OGFOD1: variants seen among roughly 807,000 people sequenced by gnomAD.
OGFOD1 encodes the protein prolyl 3-hydroxylase OGFOD1.
OGFOD1 carries 54 observed loss-of-function variants against 67.7 expected under a neutral mutation model. The observed-to-expected ratio is 0.80, with a 90% CI of 0.64 to 1.00. OGFOD1 has a LOEUF of 1.00. Ranked by LOEUF, OGFOD1 falls within the 50% of genes least tolerant of loss-of-function variation. The pLI, the probability that OGFOD1 is intolerant of heterozygous loss-of-function variation, is 0.00. For synonymous variants in OGFOD1, 221 were observed against 227.0 expected (o/e 0.97, Z 0.24); for missense variants, 606 against 646.7 (o/e 0.94, Z 0.68).
At chr16:56,467,415 CTTTTT>C in intron 7 of OGFOD1, 122 bp downstream of exon 7, 1 of 828,276 alleles carries the variant, frequency 1.2e-6, no homozygotes, top group East Asian at 3.3e-5. Flanking sequence ...TTCCACTTTT[CTTTTT>C]TTTTTCTTCC....
chr16:56,455,485 C>G (rs548104613), intron 2 of OGFOD1, among the ~76,000 whole-genome samples: 3 of 151,640 alleles, frequency 2.0e-5, no homozygotes, highest in African/African-American at 7.2e-5. Context: ...TGGTGAAACT[C>G]TACTGTGAAT....
chr16:56,466,799 G>A (rs773923954), intron 5 of OGFOD1, 77 bp from the exon 6 acceptor site: 2 of 1,092,986 alleles, frequency 1.8e-6, no homozygotes, highest in Non-Finnish European at 2.8e-6. Context: ...TCAGAAGTTT[G>A]GAAATTGTCA....
intron 2 of OGFOD1, 68 bp from the exon 3 acceptor site, chr16:56,458,480 A>T: frequency 7.1e-7 from 1 of 1,414,540 alleles, no homozygotes; most frequent in South Asian, 1.2e-5. Flanking sequence ...ACACTCACTA[A>T]ACTGCTCTCC....
chr16:56,464,580 A>T (rs1411392497), intron 4 of OGFOD1, among the ~76,000 whole-genome samples: 3 of 152,066 alleles, frequency 2.0e-5, no homozygotes, highest in African/African-American at 7.2e-5. Context: ...TTATATTGGT[A>T]TGGATTTATG....
Position 56,477,854 on chromosome 16 carries a change from G to C in OGFOD1, c.*1649G>C, listed in dbSNP as rs2144075872. ...TTCTCTTTCATCTCCTAAAACTTTT[G>C]AGTATTCATTCTTTTCTGAAGTTTG... is the stretch of plus-strand genomic sequence containing the variant. On this transcript the variant is annotated 3_prime_UTR_variant, in exon 13 of 13. Transcript: ENST00000566157. 6.6e-6 allele frequency: 1 copy of C among 152,216 alleles called. No homozygotes were observed. The highest frequency in any genetic ancestry group is 2.4e-5 in the African/African-American group (1 of 41,544). 9.4% of individuals were successfully genotyped at this position (152,216 alleles called of 1,614,324 possible). A position where few individuals can be genotyped will look rare whatever the true frequency, so the allele number is the denominator to read the frequency against.
intron 7 of OGFOD1, 76 bp from the exon 8 acceptor site, chr16:56,467,829 T>G: frequency 1.3e-6 from 1 of 769,484 alleles, no homozygotes; most frequent in Non-Finnish European, 2.4e-6. Flanking sequence ...ATGTATTTTA[T>G]TAGTGTGAAA....
At chr16:56,470,220 A>AC in intron 9 of OGFOD1, 138 bp downstream of exon 9, 1 of 771,012 alleles carries the variant, frequency 1.3e-6, no homozygotes, top group Non-Finnish European at 2.1e-6. Flanking sequence ...AAATCAAATA[A>AC]CCAACAGGAA....
rs747883270 is a variant in OGFOD1, at chr16:56,462,634, G to A, written c.448G>A (p.Asp150Asn). 6.4e-7 allele frequency: 1 copy of A among 1,570,406 alleles called. No individual in the cohort carries two copies. The highest frequency in any genetic ancestry group is 8.8e-7 in the Non-Finnish European group (1 of 1,140,672). ...DMSCAKYEFT[D>N]ALLCHDDELE... ...GTCCTGTGCTAAATATGAATTCACT[G>A]GTAAGGAAGATAAAGGCCTGGTGTC... The change falls in exon 4 of 13, where the codon GAT (aspartate) becomes AAT (asparagine). Residue 150 changes from aspartate to asparagine, a missense_variant and splice_region_variant. Physicochemically the swap from Asp to Asn is conservative, Grantham distance 23 (BLOSUM62 1). Transcript: ENST00000566157.
chr16:56,463,384 GTTTTTTT>G (rs56388148), intron 4 of OGFOD1, among the ~76,000 whole-genome samples: 46 of 43,806 alleles, frequency 1.1e-3, no homozygotes, highest in Non-Finnish European at 1.5e-3. Flanking sequence ...TCTTTTTTGG[GTTTTTTT>G]TTTTTTTTTT....
rs1420958768 is a variant in OGFOD1 at position 56,453,573 on chromosome 16, T to TA, written c.300+167dup. 4 of 614,682 alleles carry TA rather than the reference T, an allele frequency of 6.5e-6. No homozygotes were observed. The African/African-American group carries it at 7.4e-5, about 11-fold the overall frequency. 38.1% of individuals were successfully genotyped at this position (614,682 alleles called of 1,614,324 possible). A position where few individuals can be genotyped will look rare whatever the true frequency, so the allele number is the denominator to read the frequency against. On this transcript the variant is annotated intron_variant, in intron 2 of 12. Transcript: ENST00000566157. ...TCATTTAACCAAGCTTACTGAGTGT[T>TA]AACTATGTGTTAAGTGCTATAATTA...
At chr16:56,467,828 A>G (rs1962969512) in intron 7 of OGFOD1, 77 bp from the exon 8 acceptor site, 1 of 767,824 alleles carries the variant, frequency 1.3e-6, no homozygotes. Context: ...CATGTATTTT[A>G]TTAGTGTGAA....
chr16:56,466,444 T>C (rs551173738), intron 5 of OGFOD1, among the ~76,000 whole-genome samples, 176 bp downstream of exon 5: 18 of 152,204 alleles, frequency 1.2e-4, no homozygotes, highest in Non-Finnish European at 2.6e-4. Flanking sequence ...AACCACCTCT[T>C]TAAGTTGGAC....
At chr16:56,462,914 C>T (rs1962761812) in intron 4 of OGFOD1, among the ~76,000 whole-genome samples, 1 of 152,204 alleles carries the variant, frequency 6.6e-6, no homozygotes, top group South Asian at 2.1e-4. Context: ...TCAAGAAATT[C>T]AGAGTGATAT....
rs1346679923 is a variant in OGFOD1, at chr16:56,470,089, C to G, written c.980+7C>G. Reference sequence around the variant, plus strand: ...GAGGTCCCCCTAACAAAAGGTAGAACCCGTCATCTGAGATATTTGCTTCTA... The same window carrying G: ...GAGGTCCCCCTAACAAAAGGTAGAAGCCGTCATCTGAGATATTTGCTTCTA... On this transcript the variant is annotated splice_region_variant and intron_variant, in intron 9 of 12. Transcript: ENST00000566157. 6.2e-7 allele frequency: 1 copy of G among 1,612,200 alleles called. No individual in the cohort carries two copies. Among genetic ancestry groups the G allele is most frequent in the Non-Finnish European group, 8.5e-7 (1 of 1,178,378 alleles).
intron 7 of OGFOD1, 138 bp downstream of exon 7, chr16:56,467,431 T>A: frequency 4.6e-5 from 10 of 216,148 alleles, no homozygotes; most frequent in Non-Finnish European, 7.3e-5. Flanking sequence ...TTTTTCTTCC[T>A]TTTTTTTTTT....
chr16:56,462,898 A>AC, intron 4 of OGFOD1, among the ~76,000 whole-genome samples: 1 of 152,354 alleles, frequency 6.6e-6, no homozygotes, highest in Non-Finnish European at 1.5e-5. Flanking sequence ...AACTGTACAT[A>AC]CAATATCAAG....
At chr16:56,470,162 G>T in intron 9 of OGFOD1, 80 bp downstream of exon 9, 3 of 1,289,016 alleles carry the variant, frequency 2.3e-6, no homozygotes, top group South Asian at 1.3e-5. Flanking sequence ...ATGACAAAAA[G>T]CCTAAAGGAA....
chr16:56,463,328 C>G (rs1456945829), intron 4 of OGFOD1, among the ~76,000 whole-genome samples: 3 of 141,002 alleles, frequency 2.1e-5, no homozygotes, highest in East Asian at 2.2e-4. Context: ...CTTGGTGATA[C>G]ATAGGAAAAG....
At chr16:56,451,538 C>A, upstream of OGFOD1, 1 of 1,512,556 alleles carries the variant, frequency 6.6e-7, no homozygotes. Flanking sequence ...ATAAAGGGGA[C>A]ATGCCGGGAG....
Sources: gnomAD v4.1 joint callset for allele counts (sites outside exome capture counted in the v4.1 genomes callset) on GRCh38, gnomAD v4.1.1 for gene constraint, MANE v1.5 for transcripts, NCBI Gene and HGNC (gene_info 2026-07-23, HGNC 2026-07-21) for gene names.